Variants in DGKB observed in about 807,000 individuals in gnomAD.
DGKB encodes the protein diacylglycerol kinase beta.
Under a neutral mutation model 114.3 loss-of-function variants are expected in DGKB, and 67 were observed. The observed-to-expected ratio is 0.59, with a 90% CI of 0.48 to 0.72. The LOEUF (loss-of-function observed/expected upper bound fraction) is 0.72. DGKB is among the 30% of genes least tolerant of loss of function. The pLI is 0.00. For missense variants in DGKB, 907 were observed against 975.2 expected (o/e 0.93, Z 0.93); for synonymous variants, 398 against 323.1 (o/e 1.23, Z -2.49).
intron 13 of DGKB, among the ~76,000 whole-genome samples, chr7:14,653,025 G>C (rs896136306): frequency 6.6e-6 from 1 of 151,464 alleles, no homozygotes; most frequent in Non-Finnish European, 1.5e-5. Flanking sequence ...GAGTGGATGT[G>C]GAGAAATAGG....
chr7:14,233,128 C>A (rs772120853), intron 23 of DGKB, among the ~76,000 whole-genome samples: 3 of 151,940 alleles, frequency 2.0e-5, no homozygotes, highest in Non-Finnish European at 4.4e-5. Context: ...CAGAGGGGAA[C>A]ACACTGAAGA....
In DGKB at chr7:14,149,245, A is replaced by G. The variant is rs916953355; in HGVS notation, c.2305-7T>C. On this transcript the variant is annotated splice_polypyrimidine_tract_variant and splice_region_variant and intron_variant, in intron 25 of 25. Coordinates refer to ENST00000402815, the MANE Select transcript of DGKB (RefSeq NM_001350709.2). ...TCTTGTGTGTAATTTTTATCTAGAA[A>G]AAAAGAGAGAGAGAGAGAGAGAAAG... 20 of 1,599,214 alleles carry G rather than the reference A, an allele frequency of 1.3e-5. No homozygotes were observed. Among genetic ancestry groups the G allele is most frequent in the Admixed American group, 1.7e-5 (1 of 59,696 alleles).
intron 23 of DGKB, among the ~76,000 whole-genome samples, chr7:14,266,130 A>G (rs1450461281): frequency 1.3e-5 from 2 of 152,144 alleles, no homozygotes; most frequent in African/African-American, 2.4e-5. Context: ...GCAAATAGCT[A>G]TCAGTGTGTA....
At chr7:14,692,739 A>G (rs1487733701) in intron 9 of DGKB, among the ~76,000 whole-genome samples, 2 of 151,496 alleles carry the variant, frequency 1.3e-5, no homozygotes, top group Non-Finnish European at 2.9e-5. Context: ...AACTTTCCAT[A>G]TATCACTTAT....
chr7:14,882,354 G>C (rs918906959), intron 1 of DGKB, among the ~76,000 whole-genome samples: 2 of 151,970 alleles, frequency 1.3e-5, no homozygotes, highest in African/African-American at 4.8e-5. Context: ...ATAGTAAAAG[G>C]AGAGAGAGTA....
At chr7:14,310,874 T>C (rs1485141411) in intron 23 of DGKB, among the ~76,000 whole-genome samples, 1 of 152,180 alleles carries the variant, frequency 6.6e-6, no homozygotes, top group Non-Finnish European at 1.5e-5. Flanking sequence ...GGCTGACGCC[T>C]GTAATCCCAG....
intron 25 of DGKB, among the ~76,000 whole-genome samples, chr7:14,154,692 A>C (rs774770147): frequency 1.8e-4 from 28 of 152,120 alleles, no homozygotes; most frequent in East Asian, 3.9e-4. Context: ...CCATAAAAAA[A>C]AAACAAACAA....
rs1444187184 is a variant in DGKB at position 14,147,062 on chromosome 7, C to T, written c.*2069G>A. On this transcript the variant is annotated 3_prime_UTR_variant, in exon 26 of 26. Coordinates refer to ENST00000402815, the MANE Select transcript of DGKB (RefSeq NM_001350709.2). ...TGTTTTTGACACAAAGCCTGCCTGC[C>T]CATTGTAGAAAATTTTGTCAATTCA... 1 of 152,054 alleles carries T rather than the reference C, an allele frequency of 6.6e-6. No individual in the cohort carries two copies. Among genetic ancestry groups the T allele is most frequent in the Non-Finnish European group, 1.5e-5 (1 of 67,986 alleles). 9.4% of individuals were successfully genotyped at this position (152,054 alleles called of 1,614,324 possible). A position where few individuals can be genotyped will look rare whatever the true frequency, so the allele number is the denominator to read the frequency against.
At chr7:14,715,343 A>G (rs183480628) in intron 6 of DGKB, among the ~76,000 whole-genome samples, 4 of 152,262 alleles carry the variant, frequency 2.6e-5, no homozygotes. Flanking sequence ...AAGAAAATGG[A>G]GGCAAAGCCA....
chr7:14,878,319 C>A (rs1853625228), intron 1 of DGKB, among the ~76,000 whole-genome samples: 1 of 152,282 alleles, frequency 6.6e-6, no homozygotes, highest in South Asian at 2.1e-4. Context: ...TGCAATTGTT[C>A]TAATGTCTCT....
intron 23 of DGKB, among the ~76,000 whole-genome samples, chr7:14,299,474 T>A (rs892660077): frequency 5.3e-5 from 8 of 152,140 alleles, no homozygotes; most frequent in African/African-American, 1.9e-4. Context: ...GTGAGAGGTT[T>A]TGAAGAAAAG....
chr7:14,278,836 T>G (rs1799418647), intron 23 of DGKB, among the ~76,000 whole-genome samples: 1 of 152,082 alleles, frequency 6.6e-6, no homozygotes, highest in African/African-American at 2.4e-5. Context: ...TAACAGTGGG[T>G]AAAATGTTTA....
Position 14,176,502 on chromosome 7 carries a change from GCT to G in DGKB, c.2304+335_2304+336del, listed in dbSNP as rs1307767867. On this transcript the variant is annotated intron_variant, in intron 25 of 25. Coordinates refer to ENST00000402815, the MANE Select transcript of DGKB (RefSeq NM_001350709.2). ...CTTGCAAATAATATTCTAATAATGT[GCT>G]CTGAAATAAACAAAAAAGTTTCAGA... The G allele has an allele frequency of 3.9e-6, 4 of 1,015,136 alleles. No individual in the cohort carries two copies. In the African/African-American group the frequency reaches 6.9e-5, roughly 17 times the overall value. 62.9% of individuals were successfully genotyped at this position (1,015,136 alleles called of 1,614,324 possible). A position where few individuals can be genotyped will look rare whatever the true frequency, so the allele number is the denominator to read the frequency against.
chr7:14,204,572 G>T (rs913466757), intron 23 of DGKB, among the ~76,000 whole-genome samples: 19 of 152,004 alleles, frequency 1.2e-4, no homozygotes, highest in Non-Finnish European at 4.4e-5. Context: ...TATGCTTTTT[G>T]ATGAGCTAAT....
At chr7:14,878,760 A>AAC (rs1554325456) in intron 1 of DGKB, among the ~76,000 whole-genome samples, 9 of 141,078 alleles carry the variant, frequency 6.4e-5, no homozygotes, top group South Asian at 2.2e-4. Flanking sequence ...AAAAACAAAA[A>AAC]AAAAAAAACA....
At position 14,147,760 on chromosome 7, in the gene DGKB, G is replaced by C. The variant is rs1397513575; in HGVS notation, c.*1371C>G. 1 of 152,494 alleles carries C rather than the reference G, an allele frequency of 6.6e-6. No individual in the cohort carries two copies. The highest frequency in any genetic ancestry group is 2.4e-5 in the African/African-American group (1 of 41,432). 9.4% of individuals were successfully genotyped at this position (152,494 alleles called of 1,614,324 possible). On this transcript the variant is annotated 3_prime_UTR_variant, in exon 26 of 26. Transcript: ENST00000402815. ...TCAATATGAATGAACAATATTACAA[G>C]ACTGCTCAGAAGCATTTCATTTTAC...
chr7:14,287,556 C>A (rs184204441), intron 23 of DGKB, among the ~76,000 whole-genome samples: 234 of 152,224 alleles, frequency 1.5e-3, no homozygotes, highest in Admixed American at 2.5e-3. Context: ...ACCGCACGGT[C>A]TACATGACTG....
At chr7:14,326,132 A>G (rs896694473) in intron 23 of DGKB, among the ~76,000 whole-genome samples, 1 of 151,946 alleles carries the variant, frequency 6.6e-6, no homozygotes, top group Non-Finnish European at 1.5e-5. Flanking sequence ...GGAAACTAAA[A>G]ACTAAAACCT....
At chr7:14,156,317 T>G (rs73269858) in intron 25 of DGKB, among the ~76,000 whole-genome samples, 7,274 of 152,238 alleles carry the variant, frequency 0.048, 280 homozygotes, top group East Asian at 0.13. Context: ...GAATGATATT[T>G]AAGTAGTCAT....
Sources: gnomAD v4.1 joint callset for allele counts (sites outside exome capture counted in the v4.1 genomes callset) on GRCh38, gnomAD v4.1.1 for gene constraint, MANE v1.5 for transcripts, NCBI Gene and HGNC (gene_info 2026-07-23, HGNC 2026-07-21) for gene names.